PDLIM1: variants seen among roughly 807,000 people sequenced by gnomAD.
The protein encoded by PDLIM1 is PDZ and LIM domain protein 1.
PDLIM1 carries 25 observed loss-of-function variants against 35.2 expected under a neutral mutation model. The ratio of observed to expected loss-of-function variants is 0.71; its 90% CI spans 0.52 to 0.99. The LOEUF (loss-of-function observed/expected upper bound fraction) is 0.99. Among genes scored for constraint, PDLIM1 ranks in the 50% least tolerant of loss-of-function variants. PDLIM1 has a pLI of 0.00. For missense variants in PDLIM1, 363 were observed against 415.3 expected (o/e 0.87, Z 1.09); for synonymous variants, 152 against 154.0 (o/e 0.99, Z 0.10).
intron 1 of PDLIM1, among the ~76,000 whole-genome samples, chr10:95,280,765 T>G (rs1028272920): frequency 5.9e-5 from 9 of 152,254 alleles, no homozygotes; most frequent in Non-Finnish European, 1.3e-4. Context: ...TACAGGTCAA[T>G]TTCCTGACTC....
intron 3 of PDLIM1, among the ~76,000 whole-genome samples, 166 bp from the exon 4 acceptor site, chr10:95,264,229 G>C (rs533279103): frequency 6.6e-6 from 1 of 152,052 alleles, no homozygotes; most frequent in South Asian, 2.1e-4. Context: ...AGACACACGG[G>C]CAATGACTGG....
chr10:95,257,021 AG>A (rs2035320584), intron 4 of PDLIM1, among the ~76,000 whole-genome samples: 1 of 143,582 alleles, frequency 7.0e-6, no homozygotes. Context: ...AAAGAAAGAA[AG>A]AAAGAAAGAA....
At chr10:95,283,415 A>G (rs910329768) in intron 1 of PDLIM1, among the ~76,000 whole-genome samples, 3 of 152,250 alleles carry the variant, frequency 2.0e-5, no homozygotes, top group African/African-American at 7.2e-5. Flanking sequence ...AACTAGATCT[A>G]GCAGATATCA....
In PDLIM1 at chr10:95,290,350, T is replaced by C. The variant is rs2035642102; in HGVS notation, c.96+470A>G. On this transcript the variant is annotated intron_variant, in intron 1 of 6. Transcript: ENST00000329399. This position sits in a 1 kb window ranked among gnomAD's most constrained non-coding sequence, Gnocchi z 4.7. ...TCCAAAGAGCGTGTTTCGGTTGTTT[T>C]TTTAGGTTAATCCCACTTGCCCCCC... is the stretch of plus-strand genomic sequence containing the variant. 6.6e-6 allele frequency among the ~76,000 whole-genome samples: 1 copy of C among 152,108 alleles called. No homozygotes were observed. Among genetic ancestry groups the C allele is most frequent in the Non-Finnish European group, 1.5e-5 (1 of 68,020 alleles).
At chr10:95,254,893 A>G (rs868036179) in intron 4 of PDLIM1, among the ~76,000 whole-genome samples, 1 of 152,172 alleles carries the variant, frequency 6.6e-6, no homozygotes, top group South Asian at 2.1e-4. Flanking sequence ...TGGGCAAGAG[A>G]GAGAGACTGC....
chr10:95,245,403 G>A (rs140916177), intron 5 of PDLIM1, among the ~76,000 whole-genome samples: 1 of 152,302 alleles, frequency 6.6e-6, no homozygotes, highest in East Asian at 1.9e-4. Flanking sequence ...TGGAGTGCCG[G>A]ATAGGAGTCC....
chr10:95,246,347 A>G (rs2035220948), intron 5 of PDLIM1, among the ~76,000 whole-genome samples: 1 of 152,194 alleles, frequency 6.6e-6, no homozygotes, highest in African/African-American at 2.4e-5. Context: ...CATTGTTATT[A>G]AGTGAAGATA....
chr10:95,282,417 A>C (rs1003274331), intron 1 of PDLIM1, among the ~76,000 whole-genome samples: 2 of 152,232 alleles, frequency 1.3e-5, no homozygotes, highest in Non-Finnish European at 2.9e-5. Context: ...GTTAGTCTAT[A>C]ACCATTTTCT....
At chr10:95,256,746 C>T (rs1019666239) in intron 4 of PDLIM1, among the ~76,000 whole-genome samples, 8 of 151,238 alleles carry the variant, frequency 5.3e-5, no homozygotes, top group African/African-American at 1.7e-4. Context: ...CTGAGGCAGG[C>T]AGATCACTTG....
Position 95,279,037 on chromosome 10 carries a change from GT to G in PDLIM1, c.97-7254del, listed in dbSNP as rs531853883. ...TGAAATGGACCCAGCCAACAGTCTT[GT>G]TTTTTTTCTTACATTTAAATTACAT... is the stretch of plus-strand genomic sequence containing the variant. On this transcript the variant is annotated intron_variant, in intron 1 of 6. Transcript: ENST00000329399. 9.9e-5 allele frequency among the ~76,000 whole-genome samples: 15 copies of G among 152,004 alleles called. No individual in the cohort carries two copies. The East Asian group carries it at 1.9e-3, about 20-fold the overall frequency.
rs1249874678 is a variant in PDLIM1, at chr10:95,238,017, A to C, written c.898T>G (p.Phe300Val). ...GTNLKQKGHF[F>V]VEDQIYCEKH... Reference sequence around the variant, plus strand: ...TCACAGTAGATTTGATCCTCCACAAAGAAATGGCCCTTCTGTTTCAGGTTG... The same window carrying C: ...TCACAGTAGATTTGATCCTCCACAACGAAATGGCCCTTCTGTTTCAGGTTG... Residue 300 changes from phenylalanine (F) to valine (V), a missense_variant, in exon 7 of 7, where the codon TTT (phenylalanine) becomes GTT (valine). Physicochemically the swap from Phe to Val is conservative, Grantham distance 50. Coordinates refer to ENST00000329399, the MANE Select transcript of PDLIM1 (RefSeq NM_020992.4). 6.2e-7 allele frequency: 1 copy of C among 1,614,182 alleles called. No homozygotes were observed. The highest frequency in any genetic ancestry group is 8.5e-7 in the Non-Finnish European group (1 of 1,180,026).
At chr10:95,275,674 A>G (rs953246248) in intron 1 of PDLIM1, among the ~76,000 whole-genome samples, 37 of 152,228 alleles carry the variant, frequency 2.4e-4, no homozygotes, top group African/African-American at 8.9e-4. Context: ...TTGGAACTGG[A>G]GAGGTTGAGA....
rs533972034 is a variant in PDLIM1 at position 95,238,073 on chromosome 10, G to T, written c.842C>A (p.Pro281His). Reference sequence around the variant, plus strand: ...ACAGTCAGTGCACACATAACACTCAGGGTGGCGGTGACGGTCCCGCAGCTT... The same window carrying T: ...ACAGTCAGTGCACACATAACACTCATGGTGGCGGTGACGGTCCCGCAGCTT... ...FVKLRDRHRH[P>H]ECYVCTDCGT... The change falls in exon 7 of 7, where the codon CCT (proline) becomes CAT (histidine). Residue 281 changes from proline to histidine, a missense_variant. By Grantham distance (77) the Pro-to-His change is moderately conservative (BLOSUM62 -2). Coordinates refer to ENST00000329399, the MANE Select transcript of PDLIM1 (RefSeq NM_020992.4). The T allele has an allele frequency of 6.2e-7, 1 of 1,614,070 alleles. No homozygotes were observed. Among genetic ancestry groups the T allele is most frequent in the Admixed American group, 1.7e-5 (1 of 60,024 alleles).
intron 2 of PDLIM1, among the ~76,000 whole-genome samples, chr10:95,270,103 G>A (rs1175693697): frequency 1.3e-5 from 2 of 151,882 alleles, no homozygotes; most frequent in Non-Finnish European, 2.9e-5. Context: ...TCAACATGCC[G>A]GTAAACAAAT....
chr10:95,239,953 G>T (rs548544561), intron 5 of PDLIM1, among the ~76,000 whole-genome samples: 10 of 152,184 alleles, frequency 6.6e-5, no homozygotes, highest in Middle Eastern at 3.4e-3. Flanking sequence ...ACCGACTCAC[G>T]CCAGTCTGAA....
At chr10:95,270,701 T>A (rs1319183653) in intron 2 of PDLIM1, among the ~76,000 whole-genome samples, 1 of 152,136 alleles carries the variant, frequency 6.6e-6, no homozygotes, top group African/African-American at 2.4e-5. Flanking sequence ...TATTGCAATC[T>A]CCTGGCATGG....
chr10:95,282,006 C>G (rs4918909), intron 1 of PDLIM1, among the ~76,000 whole-genome samples: 134,907 of 152,268 alleles, frequency 0.89, 59,800 homozygotes, highest in East Asian at 0.95. Flanking sequence ...AAATGTGTAA[C>G]TAAGTGAAAG....
At chr10:95,278,703 G>A (rs1322431121) in intron 1 of PDLIM1, among the ~76,000 whole-genome samples, 1 of 152,160 alleles carries the variant, frequency 6.6e-6, no homozygotes, top group Non-Finnish European at 1.5e-5. Flanking sequence ...CACAGACTAG[G>A]AGACCAACAA....
At chr10:95,285,728 G>A (rs548632866) in intron 1 of PDLIM1, among the ~76,000 whole-genome samples, 1 of 152,300 alleles carries the variant, frequency 6.6e-6, no homozygotes, top group Non-Finnish European at 1.5e-5. Context: ...ACTGCTATAT[G>A]ATGCAGGCAG....
Sources: gnomAD v4.1 joint callset for allele counts (sites outside exome capture counted in the v4.1 genomes callset) on GRCh38, gnomAD v4.1.1 for gene constraint, Gnocchi (gnomAD v3.1) non-coding constraint, MANE v1.5 for transcripts, NCBI Gene and HGNC (gene_info 2026-07-23, HGNC 2026-07-21) for gene names.